Variants in PCDH15 observed in about 807,000 individuals in gnomAD.
The protein encoded by PCDH15 is protocadherin related 15.
Under a neutral mutation model 178.5 loss-of-function variants are expected in PCDH15, and 129 were observed. The observed-to-expected ratio is 0.72, with a 90% CI of 0.63 to 0.84. PCDH15 has a LOEUF of 0.84. Ranked by LOEUF, PCDH15 falls within the 40% of genes least tolerant of loss-of-function variation. PCDH15 has a pLI of 0.00. For missense variants in PCDH15, 2,230 were observed against 2,099.9 expected (o/e 1.06, Z -1.21); for synonymous variants, 800 against 732.0 (o/e 1.09, Z -1.50).
intron 2 of PCDH15, among the ~76,000 whole-genome samples, chr10:55,543,625 A>G (rs1283282415): frequency 6.6e-6 from 1 of 151,374 alleles, no homozygotes; most frequent in African/African-American, 2.4e-5. Context: ...TAGAATCTAA[A>G]TCCACGTATA....
intron 2 of PCDH15, among the ~76,000 whole-genome samples, chr10:55,443,342 T>C (rs1352511158): frequency 1.3e-5 from 2 of 152,226 alleles, no homozygotes; most frequent in Non-Finnish European, 2.9e-5. Flanking sequence ...ATCATCAGTG[T>C]GAACAGGCAA....
intron 9 of PCDH15, among the ~76,000 whole-genome samples, chr10:54,228,681 C>T (rs966769238): frequency 3.3e-5 from 5 of 152,116 alleles, no homozygotes; most frequent in African/African-American, 9.7e-5. Flanking sequence ...AGAAGATGGA[C>T]GTTCCAGTTC....
At chr10:55,168,181 A>G (rs966180544) in intron 1 of PCDH15, among the ~76,000 whole-genome samples, 1 of 152,104 alleles carries the variant, frequency 6.6e-6, no homozygotes, top group Non-Finnish European at 1.5e-5. Flanking sequence ...TTCCAGACAA[A>G]TTATGGATGA....
rs1841759967 is a variant in PCDH15, at chr10:55,249,006, G to T, written c.-156+70593C>A. The stretch of plus-strand genomic sequence containing the variant: ...AGTCATATTTAAAGACACATTTAAA[G>T]ACAATGTGGGCATGTCATACCTTGT... On this transcript the variant is annotated intron_variant, in intron 1 of 5. Transcript: ENST00000458638. 2.0e-5 allele frequency among the ~76,000 whole-genome samples: 3 copies of T among 152,148 alleles called. No individual in the cohort carries two copies. The South Asian group carries it at 6.2e-4, about 32-fold the overall frequency.
intron 11 of PCDH15, among the ~76,000 whole-genome samples, chr10:54,192,792 A>G (rs1162463825): frequency 6.6e-6 from 1 of 152,142 alleles, no homozygotes; most frequent in East Asian, 1.9e-4. Context: ...AGTTTTGCTG[A>G]TTAATTACTT....
At chr10:54,718,578 C>G (rs773880428) in intron 1 of PCDH15, among the ~76,000 whole-genome samples, 20 of 149,518 alleles carry the variant, frequency 1.3e-4, no homozygotes, top group Non-Finnish European at 3.0e-4. Flanking sequence ...AAAACAAATT[C>G]AAAAAATAAG....
At chr10:53,866,162 A>G (rs575883332) in intron 27 of PCDH15, among the ~76,000 whole-genome samples, 17 of 152,286 alleles carry the variant, frequency 1.1e-4, no homozygotes, top group African/African-American at 4.1e-4. Context: ...AGAAATAAAT[A>G]CTATTGGAAC....
At chr10:54,828,570 T>A (rs1255980549) in intron 3 of PCDH15, among the ~76,000 whole-genome samples, 1 of 152,012 alleles carries the variant, frequency 6.6e-6, no homozygotes, top group Non-Finnish European at 1.5e-5. Flanking sequence ...TAATAATGCA[T>A]TTTCTATCCT....
chr10:54,248,914 C>T (rs1420120079), intron 8 of PCDH15, among the ~76,000 whole-genome samples: 1 of 151,814 alleles, frequency 6.6e-6, no homozygotes, highest in African/African-American at 2.4e-5. Context: ...AGGAGAGTTT[C>T]TAAATCGCCT....
At chr10:55,253,598 CATA>C (rs1407512166) in intron 1 of PCDH15, among the ~76,000 whole-genome samples, 2 of 143,048 alleles carry the variant, frequency 1.4e-5, no homozygotes, top group East Asian at 2.0e-4. Flanking sequence ...TTAAGTGAAC[CATA>C]ATAAGTTTTT....
intron 2 of PCDH15, among the ~76,000 whole-genome samples, chr10:55,585,030 A>T (rs12250717): frequency 0.32 from 48,317 of 150,578 alleles, 8,303 homozygotes; most frequent in East Asian, 0.49. Flanking sequence ...ATAATGGAGA[A>T]TTATAAATTA....
intron 2 of PCDH15, among the ~76,000 whole-genome samples, chr10:55,405,283 GATAT>G (rs72121105): frequency 1.9e-5 from 2 of 108,068 alleles, no homozygotes; most frequent in South Asian, 5.9e-4. Context: ...TGAGGTAACA[GATAT>G]ATATATATAT....
At chr10:54,182,735 T>C (rs534797136) in intron 13 of PCDH15, among the ~76,000 whole-genome samples, 1 of 152,172 alleles carries the variant, frequency 6.6e-6, no homozygotes, top group Non-Finnish European at 1.5e-5. Context: ...ACTAAGGCAG[T>C]TTTTTGTATT....
chr10:54,552,997 A>G (rs2086785813), intron 2 of PCDH15, among the ~76,000 whole-genome samples: 1 of 152,178 alleles, frequency 6.6e-6, no homozygotes, highest in Admixed American at 6.6e-5. Flanking sequence ...CTAAATTATT[A>G]TGTCATGGAT....
At position 54,402,612 on chromosome 10, in the gene PCDH15, T is replaced by C. The variant is rs144747572; in HGVS notation, c.158-23670A>G. ...CACATCATGTCTGTGTGTCACAGTT[T>C]GGTAATTCATGCAATATTTCAAATT... On this transcript the variant is annotated intron_variant, in intron 3 of 37. Transcript: ENST00000644397. 5.0e-3 allele frequency among the ~76,000 whole-genome samples: 764 copies of C among 152,120 alleles called. 3 individuals are homozygous for C. Among genetic ancestry groups the C allele is most frequent in the African/African-American group, 0.017 (693 of 41,548 alleles).
At chr10:54,619,139 A>G (rs1317961113) in intron 2 of PCDH15, 3 of 144,196 alleles carry the variant, frequency 2.1e-5, no homozygotes, top group Non-Finnish European at 3.1e-5. Context: ...TATAGGTTTA[A>G]TCTAACTTAA....
intron 2 of PCDH15, among the ~76,000 whole-genome samples, chr10:55,093,810 A>T (rs1330780033): frequency 1.3e-5 from 2 of 152,162 alleles, no homozygotes; most frequent in Non-Finnish European, 2.9e-5. Context: ...ATCACTGGCC[A>T]TCAGAGAAAT....
intron 1 of PCDH15, among the ~76,000 whole-genome samples, chr10:54,701,000 C>A (rs766752560): frequency 6.6e-6 from 1 of 152,056 alleles, no homozygotes; most frequent in Admixed American, 6.6e-5. Context: ...CTACATCAGG[C>A]AAACAGTGGA....
chr10:55,124,449 A>C (rs1837848631), intron 2 of PCDH15, among the ~76,000 whole-genome samples: 1 of 152,132 alleles, frequency 6.6e-6, no homozygotes, highest in Non-Finnish European at 1.5e-5. Flanking sequence ...CTTTTTAAAA[A>C]CTTTAATAGA....
Sources: gnomAD v4.1 joint callset for allele counts (sites outside exome capture counted in the v4.1 genomes callset) on GRCh38, gnomAD v4.1.1 for gene constraint, MANE v1.5 for transcripts, NCBI Gene and HGNC (gene_info 2026-07-23, HGNC 2026-07-21) for gene names.